CRPPA: variants seen among roughly 807,000 people sequenced by gnomAD.
CRPPA encodes D-ribitol-5-phosphate cytidylyltransferase.
Under a neutral mutation model 52.0 loss-of-function variants are expected in CRPPA, and 43 were observed. That is an observed-to-expected ratio of 0.83 (90% confidence interval 0.65 to 1.07). CRPPA has a LOEUF of 1.07. Ranked by LOEUF, CRPPA falls within the 50% of genes least tolerant of loss-of-function variation. CRPPA has a pLI of 0.00. For synonymous variants in CRPPA, 250 were observed against 203.5 expected (o/e 1.23, Z -1.94); for missense variants, 629 against 551.7 (o/e 1.14, Z -1.40).
chr7:16,397,518 G>T (rs1787632514), intron 2 of CRPPA, among the ~76,000 whole-genome samples: 1 of 151,720 alleles, frequency 6.6e-6, no homozygotes, highest in Non-Finnish European at 1.5e-5. Flanking sequence ...ATGTGAACAT[G>T]TGACATGATC....
chr7:16,109,528 C>A (rs1782219587), intron 9 of CRPPA, among the ~76,000 whole-genome samples: 1 of 151,784 alleles, frequency 6.6e-6, no homozygotes, highest in African/African-American at 2.4e-5. Context: ...ATTACACTTA[C>A]AAGAAAAGAA....
intron 8 of CRPPA, among the ~76,000 whole-genome samples, chr7:16,237,104 G>T (rs544801374): frequency 6.6e-6 from 1 of 151,864 alleles, no homozygotes; most frequent in Admixed American, 6.6e-5. Flanking sequence ...ACTATCATTC[G>T]CCAAGTTTTA....
chr7:16,255,977 A>C (rs1281249949), intron 8 of CRPPA, among the ~76,000 whole-genome samples: 6 of 152,334 alleles, frequency 3.9e-5, no homozygotes, highest in African/African-American at 1.4e-4. Context: ...TCTGCAAAGC[A>C]AAAGAAACTA....
At chr7:16,386,877 T>C (rs888753787) in intron 2 of CRPPA, among the ~76,000 whole-genome samples, 6 of 151,374 alleles carry the variant, frequency 4.0e-5, no homozygotes, top group African/African-American at 1.5e-4. Context: ...AAAATTAGCA[T>C]GGTATGGTGG....
At chr7:16,214,083 A>G (rs1782234097) in intron 9 of CRPPA, among the ~76,000 whole-genome samples, 1 of 152,190 alleles carries the variant, frequency 6.6e-6, no homozygotes, top group African/African-American at 2.4e-5. Flanking sequence ...AGCTATCTAC[A>G]AAGAGGTTAT....
chr7:16,140,871 C>T (rs946024908), intron 9 of CRPPA, among the ~76,000 whole-genome samples: 2 of 152,134 alleles, frequency 1.3e-5, no homozygotes, highest in African/African-American at 4.8e-5. Context: ...TTATCGAACT[C>T]TTTTTTGAGC....
chr7:16,227,970 T>A (rs1424138441), intron 8 of CRPPA, among the ~76,000 whole-genome samples: 2 of 151,952 alleles, frequency 1.3e-5, no homozygotes, highest in East Asian at 3.9e-4. Flanking sequence ...GGATATTCAG[T>A]TATCCCAACA....
rs545638829 is a variant in CRPPA at position 16,148,949 on chromosome 7, T to C, written c.1252-57150A>G. Among the ~76,000 whole-genome samples the C allele has an allele frequency of 2.3e-4, 35 of 152,282 alleles. 2 individuals carry two copies. In the South Asian group the frequency reaches 5.4e-3, roughly 23 times the overall value. On this transcript the variant is annotated intron_variant, in intron 9 of 9. Coordinates refer to ENST00000407010, the MANE Select transcript of CRPPA (RefSeq NM_001101426.4). ...TTTCATAAATATGTACATTATGTAT[T>C]AACTAAATATGAAGAAACTGTATAA...
chr7:16,397,709 C>T (rs921629043), intron 2 of CRPPA, among the ~76,000 whole-genome samples: 4 of 152,216 alleles, frequency 2.6e-5, no homozygotes, highest in African/African-American at 9.6e-5. Flanking sequence ...ACATGATTGA[C>T]ATGCGACCAA....
chr7:16,362,138 G>GC (rs1217816514), intron 3 of CRPPA, among the ~76,000 whole-genome samples: 6 of 152,234 alleles, frequency 3.9e-5, no homozygotes, highest in Non-Finnish European at 8.8e-5. Flanking sequence ...ACAGGCGTGA[G>GC]CCACCGCGCT....
chr7:16,097,057 A>G (rs1391627933), intron 9 of CRPPA, among the ~76,000 whole-genome samples: 1 of 152,208 alleles, frequency 6.6e-6, no homozygotes, highest in Admixed American at 6.5e-5. Flanking sequence ...TAGAAAATCA[A>G]TAGTACTGAA....
chr7:16,276,229 T>C (rs1026589626), intron 6 of CRPPA, among the ~76,000 whole-genome samples: 1 of 152,052 alleles, frequency 6.6e-6, no homozygotes, highest in Non-Finnish European at 1.5e-5. Flanking sequence ...CAGGAATCTC[T>C]GAAGAAAACT....
chr7:16,134,258 T>C (rs1329720228), intron 9 of CRPPA, among the ~76,000 whole-genome samples: 2 of 125,042 alleles, frequency 1.6e-5, no homozygotes, highest in Non-Finnish European at 3.6e-5. Flanking sequence ...ATCTTTTCCC[T>C]AGCTTACTTT....
At chr7:16,401,491 G>T (rs76884833) in intron 2 of CRPPA, among the ~76,000 whole-genome samples, 3,924 of 152,246 alleles carry the variant, frequency 0.026, 72 homozygotes, top group East Asian at 0.13. Flanking sequence ...TAGAGGTGCT[G>T]GAGTACAAAG....
At chr7:16,264,331 C>A (rs1185498050) in intron 6 of CRPPA, among the ~76,000 whole-genome samples, 2 of 152,016 alleles carry the variant, frequency 1.3e-5, no homozygotes, top group Non-Finnish European at 2.9e-5. Context: ...GACATTTAAA[C>A]AAAATTTAAA....
chr7:16,193,519 T>C (rs1781659723), intron 9 of CRPPA, among the ~76,000 whole-genome samples: 1 of 152,148 alleles, frequency 6.6e-6, no homozygotes, highest in Non-Finnish European at 1.5e-5. Flanking sequence ...GATACACTCT[T>C]GCTCTCAGTC....
chr7:16,324,113 T>A (rs1286177729), intron 3 of CRPPA, among the ~76,000 whole-genome samples: 1 of 152,186 alleles, frequency 6.6e-6, no homozygotes, highest in South Asian at 2.1e-4. Flanking sequence ...TTAAATCAGT[T>A]GACCAAATGG....
intron 9 of CRPPA, chr7:16,210,515 A>C (rs929660756): frequency 6.6e-6 from 1 of 152,210 alleles, no homozygotes; most frequent in African/African-American, 2.4e-5. Context: ...CAAAGAACAG[A>C]GGCAAGCCTC....
intron 2 of CRPPA, among the ~76,000 whole-genome samples, chr7:16,396,930 T>A (rs894767122): frequency 6.6e-6 from 1 of 152,080 alleles, no homozygotes; most frequent in Admixed American, 6.5e-5. Flanking sequence ...ACATGTGTAA[T>A]GAAAAAACAA....
Sources: allele counts gnomAD v4.1 joint callset (sites outside exome capture counted in the v4.1 genomes callset), GRCh38; gene constraint gnomAD v4.1.1; transcripts MANE v1.5; gene names NCBI Gene and HGNC (gene_info 2026-07-23, HGNC 2026-07-21).